Variants in MED13L observed in about 807,000 individuals in gnomAD.
MED13L encodes mediator of RNA polymerase II transcription subunit 13-like.
In MED13L, 7 loss-of-function variants were observed where a neutral mutation model predicts 220.9. The ratio of observed to expected loss-of-function variants is 0.03; its 90% CI spans 0.02 to 0.06. The LOEUF (loss-of-function observed/expected upper bound fraction) is 0.06, where lower values mean the gene tolerates loss of function less well. Ranked by LOEUF, MED13L falls within the 10% of genes least tolerant of loss-of-function variation. The pLI, the probability that MED13L is intolerant of heterozygous loss-of-function variation, is 1.00. For missense variants in MED13L, 1,965 were observed against 2,760.5 expected, an observed-to-expected ratio of 0.71 and a Z score of 6.46; for synonymous variants, 1,011 against 1,015.2, an observed-to-expected ratio of 1.00 and a Z score of 0.08.
intron 14 of MED13L, among the ~76,000 whole-genome samples, chr12:116,001,273 T>A (rs535007590): frequency 6.6e-6 from 1 of 152,290 alleles, no homozygotes; most frequent in Admixed American, 6.5e-5. Flanking sequence ...CTCGGCTCAC[T>A]GCAACCTCCG....
chr12:115,990,313 T>C (rs560614312), intron 17 of MED13L, among the ~76,000 whole-genome samples: 1 of 152,382 alleles, frequency 6.6e-6, no homozygotes, highest in Admixed American at 6.5e-5. Flanking sequence ...AAATGGGTTG[T>C]AATAATATGC....
intron 26 of MED13L, 123 bp from the exon 27 acceptor site, chr12:115,970,893 T>C: frequency 1.1e-6 from 1 of 901,542 alleles, no homozygotes; most frequent in Non-Finnish European, 1.7e-6. Flanking sequence ...ACATTCAAAA[T>C]TGAGTCCAAT....
intron 1 of MED13L, among the ~76,000 whole-genome samples, chr12:116,271,385 T>A (rs150098252): frequency 6.6e-6 from 1 of 151,842 alleles, no homozygotes; most frequent in Non-Finnish European, 1.5e-5. Context: ...GGTCAGGAGA[T>A]CGAGACCATC....
At chr12:116,179,825 T>C (rs2138217505) in intron 2 of MED13L, among the ~76,000 whole-genome samples, 1 of 152,216 alleles carries the variant, frequency 6.6e-6, no homozygotes, top group Non-Finnish European at 1.5e-5. Context: ...CATGGGACAG[T>C]GCCTCATTAG....
At chr12:116,145,428 GC>G (rs1471143908) in intron 2 of MED13L, among the ~76,000 whole-genome samples, 1 of 152,110 alleles carries the variant, frequency 6.6e-6, no homozygotes, top group African/African-American at 2.4e-5. Flanking sequence ...AAAATTCTAG[GC>G]TTTCCTGCTT....
At chr12:116,159,279 C>G (rs2138128412) in intron 2 of MED13L, among the ~76,000 whole-genome samples, 1 of 152,266 alleles carries the variant, frequency 6.6e-6, no homozygotes, top group South Asian at 2.1e-4. Flanking sequence ...GTCGCAATCT[C>G]AGAGTTTATG....
intron 4 of MED13L, among the ~76,000 whole-genome samples, chr12:116,061,733 C>T (rs1869505080): frequency 6.6e-6 from 1 of 152,050 alleles, no homozygotes; most frequent in East Asian, 1.9e-4. Context: ...CAAGGCCAGG[C>T]GTAGTGGCTC....
chr12:116,073,629 A>C (rs1332051874), intron 4 of MED13L, among the ~76,000 whole-genome samples: 1 of 152,258 alleles, frequency 6.6e-6, no homozygotes, highest in Non-Finnish European at 1.5e-5. Flanking sequence ...GATAAAAGAT[A>C]AACTTGGTGA....
intron 4 of MED13L, among the ~76,000 whole-genome samples, chr12:116,036,626 C>T (rs774292027): frequency 4.3e-4 from 66 of 152,160 alleles, no homozygotes; most frequent in Admixed American, 1.4e-3. Flanking sequence ...TATCTAAATG[C>T]TTTCTGTGGT....
chr12:116,064,740 T>G (rs1304508435), intron 4 of MED13L, among the ~76,000 whole-genome samples: 3 of 152,194 alleles, frequency 2.0e-5, no homozygotes, highest in African/African-American at 7.2e-5. Flanking sequence ...AAGGGCAGCT[T>G]CTTCTCCTTA....
intron 28 of MED13L, among the ~76,000 whole-genome samples, chr12:115,966,800 T>C (rs1369504681): frequency 1.3e-5 from 2 of 152,204 alleles, no homozygotes; most frequent in African/African-American, 4.8e-5. Context: ...TTTTCTTATC[T>C]TTTAATTCTT....
chr12:115,987,346 T>G lies in MED13L; in HGVS notation c.3935-58A>C, dbSNP rs928597779. 5 of 1,464,828 alleles carry G rather than the reference T, an allele frequency of 3.4e-6. No individual in the cohort carries two copies. The African/African-American group carries it at 5.6e-5, about 16-fold the overall frequency. The allele number at this position is 1,464,828 out of a possible 1,614,324, so 90.7% of individuals were successfully genotyped here. On this transcript the variant is annotated intron_variant, in intron 17 of 30. Transcript: ENST00000281928. ...AAGGGGGCTAGCACCCTCCTCTTCC[T>G]CACCATCACCTCGAGCCTCAGTTAT...
intron 2 of MED13L, among the ~76,000 whole-genome samples, chr12:116,139,597 C>A (rs898408337): frequency 2.0e-5 from 3 of 152,174 alleles, no homozygotes; most frequent in Non-Finnish European, 4.4e-5. Context: ...TTTTCCCAAT[C>A]TGATTTTAAA....
At chr12:116,031,076 T>C (rs1880707082) in intron 4 of MED13L, among the ~76,000 whole-genome samples, 1 of 152,084 alleles carries the variant, frequency 6.6e-6, no homozygotes, top group African/African-American at 2.4e-5. Flanking sequence ...AAAAGTTCAA[T>C]AATAATTATT....
intron 2 of MED13L, among the ~76,000 whole-genome samples, chr12:116,142,783 T>G (rs1593094034): frequency 1.3e-5 from 2 of 152,224 alleles, no homozygotes; most frequent in Non-Finnish European, 2.9e-5. Flanking sequence ...AAAGTGACAC[T>G]TTTACATTAC....
intron 1 of MED13L, among the ~76,000 whole-genome samples, chr12:116,238,694 C>G (rs1007197848): frequency 6.6e-6 from 1 of 152,156 alleles, no homozygotes; most frequent in Non-Finnish European, 1.5e-5. Context: ...ACAGCCATAT[C>G]TTCTACTAAC....
intron 4 of MED13L, among the ~76,000 whole-genome samples, chr12:116,057,145 A>T (rs1869043639): frequency 6.6e-6 from 1 of 152,198 alleles, no homozygotes; most frequent in Admixed American, 6.5e-5. Context: ...ACAGAAAATG[A>T]AGTTGGCTAA....
intron 3 of MED13L, among the ~76,000 whole-genome samples, chr12:116,108,106 CAAACAAAA>C (rs1873744430): frequency 6.7e-6 from 1 of 148,214 alleles, no homozygotes; most frequent in South Asian, 2.1e-4. Flanking sequence ...AACAAACAAA[CAAACAAAA>C]AAAAAAAACC....
intron 4 of MED13L, among the ~76,000 whole-genome samples, chr12:116,089,753 G>GTCA (rs1242279473): frequency 2.0e-5 from 3 of 152,116 alleles, no homozygotes; most frequent in African/African-American, 7.2e-5. Context: ...AACAGGAGCA[G>GTCA]TCATTTCCCT....
Sources: allele counts gnomAD v4.1 joint callset (sites outside exome capture counted in the v4.1 genomes callset), GRCh38; gene constraint gnomAD v4.1.1; transcripts MANE v1.5; gene names NCBI Gene and HGNC (gene_info 2026-07-23, HGNC 2026-07-21).